Variants in PAK1 observed in about 807,000 individuals in gnomAD.
PAK1 encodes the protein p21 (RAC1) activated kinase 1.
Under a neutral mutation model 67.4 loss-of-function variants are expected in PAK1, and 29 were observed. That is an observed-to-expected ratio of 0.43 (90% CI 0.32 to 0.59). PAK1 has a LOEUF of 0.59. Ranked by LOEUF, PAK1 falls within the 20% of genes least tolerant of loss-of-function variation. The pLI, the probability that PAK1 is intolerant of heterozygous loss-of-function variation, is 0.07. For synonymous variants in PAK1, 223 were observed against 237.4 expected, an observed-to-expected ratio of 0.94 and a Z score of 0.56; for missense variants, 337 against 670.7, an observed-to-expected ratio of 0.50 and a Z score of 5.50.
intron 2 of PAK1, among the ~76,000 whole-genome samples, chr11:77,391,422 A>G (rs1404661453): frequency 6.6e-6 from 1 of 152,266 alleles, no homozygotes; most frequent in Non-Finnish European, 1.5e-5. Context: ...AGGTCAAAGC[A>G]GTTAACTGAC....
chr11:77,464,559 T>C (rs1957505897), intron 1 of PAK1, among the ~76,000 whole-genome samples: 1 of 152,202 alleles, frequency 6.6e-6, no homozygotes, highest in African/African-American at 2.4e-5. Context: ...AAGAAATCAA[T>C]AAATATGTGT....
chr11:77,385,190 A>G (rs1950300092), intron 2 of PAK1, among the ~76,000 whole-genome samples: 1 of 152,218 alleles, frequency 6.6e-6, no homozygotes, highest in South Asian at 2.1e-4. Flanking sequence ...TCTATTCATC[A>G]TAGTACTGAA....
At chr11:77,474,875 C>T (rs1248049937), upstream of PAK1, 1 of 152,198 alleles carries the variant, frequency 6.6e-6, no homozygotes. Context: ...TACCTGCATA[C>T]TCTTCGTACC....
At chr11:77,431,463 C>T (rs1431662600) in intron 1 of PAK1, among the ~76,000 whole-genome samples, 1 of 152,100 alleles carries the variant, frequency 6.6e-6, no homozygotes, top group Admixed American at 6.5e-5. Flanking sequence ...ACATGTACTC[C>T]TAATACCCTC....
chr11:77,382,411 G>C (rs1949953682), intron 2 of PAK1, among the ~76,000 whole-genome samples: 1 of 152,022 alleles, frequency 6.6e-6, no homozygotes, highest in Non-Finnish European at 1.5e-5. Context: ...TCCTTGTTTG[G>C]AATGCTCTCT....
chr11:77,346,026 A>T (rs1944359129), intron 9 of PAK1, among the ~76,000 whole-genome samples: 1 of 152,140 alleles, frequency 6.6e-6, no homozygotes, highest in Non-Finnish European at 1.5e-5. Flanking sequence ...CCCAGGCTGG[A>T]GTGCAATGGC....
At chr11:77,431,848 G>C (rs1173487945) in intron 1 of PAK1, among the ~76,000 whole-genome samples, 2 of 152,170 alleles carry the variant, frequency 1.3e-5, no homozygotes, top group Non-Finnish European at 2.9e-5. Context: ...GGATATACCT[G>C]AAGTCACAAA....
chr11:77,525,347 A>G, the PAK1 span, among the ~76,000 whole-genome samples: 17 of 152,264 alleles, frequency 1.1e-4, no homozygotes, highest in Non-Finnish European at 1.9e-4. Flanking sequence ...AAAAGGAAAA[A>G]AAGTGTGAAA....
chr11:77,381,457 C>T (rs919979208), intron 2 of PAK1, among the ~76,000 whole-genome samples: 1 of 152,198 alleles, frequency 6.6e-6, no homozygotes, highest in Admixed American at 6.5e-5. Flanking sequence ...GACTTGCCTA[C>T]AATCATTAAG....
Position 77,399,972 on chromosome 11 carries a change from T to C in PAK1, c.-21-7431A>G, listed in dbSNP as rs111805484. ...AGTTAGTATATGAAAATGTTAATGG[T>C]AGGAGAATCTAGGTGGTGGGTACAC... On this transcript the variant is annotated intron_variant, in intron 1 of 14. Transcript: ENST00000356341. Among the ~76,000 whole-genome samples the C allele has an allele frequency of 5.7e-3, 866 of 151,580 alleles. 4 individuals carry two copies. The highest frequency in any genetic ancestry group is 0.034 in the Middle Eastern group (10 of 292).
At chr11:77,496,728 T>A in the PAK1 span, among the ~76,000 whole-genome samples, 3 of 152,184 alleles carry the variant, frequency 2.0e-5, no homozygotes, top group South Asian at 6.2e-4. Context: ...AGGTCAGGAG[T>A]TTGAGACCAG....
At chr11:77,327,658 C>T (rs1348386483) in intron 14 of PAK1, among the ~76,000 whole-genome samples, 1 of 152,184 alleles carries the variant, frequency 6.6e-6, no homozygotes, top group Non-Finnish European at 1.5e-5. Context: ...AAGGAACAAC[C>T]AGTACCAGCC....
intron 1 of PAK1, among the ~76,000 whole-genome samples, chr11:77,458,273 G>C (rs1007506325): frequency 3.9e-5 from 6 of 152,062 alleles, no homozygotes; most frequent in Admixed American, 2.0e-4. Context: ...TTAATTCTTA[G>C]AACAAAGAAC....
intron 5 of PAK1, among the ~76,000 whole-genome samples, chr11:77,368,249 A>G (rs1194813882): frequency 6.6e-6 from 1 of 152,214 alleles, no homozygotes; most frequent in African/African-American, 2.4e-5. Flanking sequence ...TCACATACAG[A>G]GAAGGATAAA....
intron 2 of PAK1, among the ~76,000 whole-genome samples, chr11:77,381,174 TGTAG>T (rs751722536): frequency 0.027 from 3,482 of 131,288 alleles, 45 homozygotes; most frequent in Non-Finnish European, 0.037. Flanking sequence ...TGTGTGTGTG[TGTAG>T]AGAGAGAGAG....
chr11:77,410,883 A>G (rs1433560170), intron 1 of PAK1, among the ~76,000 whole-genome samples: 2 of 152,152 alleles, frequency 1.3e-5, no homozygotes, highest in Non-Finnish European at 2.9e-5. Flanking sequence ...TGATTAAGAT[A>G]TTACCACAGC....
chr11:77,400,138 G>A (rs973428424), intron 1 of PAK1, among the ~76,000 whole-genome samples: 2 of 151,730 alleles, frequency 1.3e-5, no homozygotes, highest in African/African-American at 2.4e-5. Context: ...AGTATATAGT[G>A]CTTGGCCCAA....
chr11:77,492,926 T>C, the PAK1 span, among the ~76,000 whole-genome samples: 1 of 152,172 alleles, frequency 6.6e-6, no homozygotes, highest in South Asian at 2.1e-4. Flanking sequence ...GTAGGTTTCC[T>C]GAAGCCTCCC....
the PAK1 span, among the ~76,000 whole-genome samples, chr11:77,491,937 C>G: frequency 2.0e-5 from 3 of 152,100 alleles, no homozygotes; most frequent in African/African-American, 7.2e-5. Context: ...CTGTTGTCTA[C>G]AAGAAACACA....
Sources: allele counts gnomAD v4.1 joint callset (sites outside exome capture counted in the v4.1 genomes callset), GRCh38; gene constraint gnomAD v4.1.1; transcripts MANE v1.5; gene names NCBI Gene and HGNC (gene_info 2026-07-23, HGNC 2026-07-21).